PGBD5: variants seen among roughly 807,000 people sequenced by gnomAD.
The protein encoded by PGBD5 is piggyBac transposable element derived 5.
Under a neutral mutation model 47.9 loss-of-function variants are expected in PGBD5, and 14 were observed. That is an observed-to-expected ratio of 0.29 (90% confidence interval 0.19 to 0.46). The LOEUF (loss-of-function observed/expected upper bound fraction) is 0.46. PGBD5 is among the 20% of genes least tolerant of loss of function. The probability of loss-of-function intolerance (pLI) is 1.00; values close to 1 mark genes in which losing one functional copy is unlikely to be tolerated. For synonymous variants in PGBD5, 316 were observed against 306.3 expected (o/e 1.03, Z -0.33); for missense variants, 635 against 716.0 (o/e 0.89, Z 1.29).
At position 230,314,631 on chromosome 1, in the gene PGBD5, G is replaced by C. The variant is rs1434636231; in HGVS notation, c.*8794C>G. On this transcript the variant is annotated 3_prime_UTR_variant, in exon 7 of 7. Transcript: ENST00000391860. ...GCCACATTTCACATTTGAGAACCCA[G>C]AATTCAGCTCCTGTTATACAAAATT... 10 of 109,934 alleles carry C rather than the reference G, an allele frequency of 9.1e-5. No individual in the cohort carries two copies. Among genetic ancestry groups the C allele is most frequent in the Non-Finnish European group, 1.4e-4 (8 of 57,730 alleles). The allele number at this position is 109,934 out of a possible 1,614,324, so 6.8% of individuals were successfully genotyped here. A position where few individuals can be genotyped will look rare whatever the true frequency, so the allele number is the denominator to read the frequency against.
At chr1:230,343,064 G>A (rs772868265) in intron 3 of PGBD5, among the ~76,000 whole-genome samples, 1 of 152,156 alleles carries the variant, frequency 6.6e-6, no homozygotes, top group African/African-American at 2.4e-5. Flanking sequence ...AAGTCTCTAA[G>A]CCATCACCAT....
chr1:230,377,637 C>A (rs1443344095), intron 1 of PGBD5: 1 of 1,493,464 alleles, frequency 6.7e-7, no homozygotes, highest in Admixed American at 2.4e-5. Flanking sequence ...ACCTACCGAA[C>A]AGGTGCCCTG....
At chr1:230,396,294 C>CCCCCACACTCCTCCCTTTTA (rs1558210856) in intron 1 of PGBD5, among the ~76,000 whole-genome samples, 1 of 106,640 alleles carries the variant, frequency 9.4e-6, no homozygotes, top group Non-Finnish European at 2.0e-5. Context: ...TTCCCTTTTA[C>CCCCCACACTCCTCCCTTTTA]CCCCACACTC....
At chr1:230,362,822 G>A (rs2102710649) in intron 1 of PGBD5, among the ~76,000 whole-genome samples, 1 of 152,250 alleles carries the variant, frequency 6.6e-6, no homozygotes, top group African/African-American at 2.4e-5. Flanking sequence ...TCTGTGTTCA[G>A]TGGGAAGCAT....
intron 1 of PGBD5, among the ~76,000 whole-genome samples, chr1:230,391,619 T>G (rs1656785836): frequency 6.6e-6 from 1 of 152,146 alleles, no homozygotes; most frequent in Non-Finnish European, 1.5e-5. Context: ...CCTCCTGCAG[T>G]AAAACAATTT....
rs1184432818 is a variant in PGBD5, at chr1:230,426,019, C to G, written c.-91G>C. ...GCCCGCGCCGCGGCCCGCCGCCCCC[C>G]ACCAGCGCAGCCCGCAGCACAGCGC... On this transcript the variant is annotated 5_prime_UTR_variant, in exon 1 of 7. Transcript: ENST00000391860. 6 of 622,190 alleles carry G rather than the reference C, an allele frequency of 9.6e-6. No individual in the cohort carries two copies. The highest frequency in any genetic ancestry group is 8.0e-6 in the Non-Finnish European group (4 of 501,016). The allele number at this position is 622,190 out of a possible 1,614,324, so 38.5% of individuals were successfully genotyped here. A position where few individuals can be genotyped will look rare whatever the true frequency, so the allele number is the denominator to read the frequency against.
At chr1:230,394,703 C>T (rs577419554) in intron 1 of PGBD5, among the ~76,000 whole-genome samples, 5 of 134,962 alleles carry the variant, frequency 3.7e-5, no homozygotes, top group African/African-American at 8.6e-5. Context: ...CCTCTCCTCA[C>T]GCTCCTCCCT....
Position 230,325,544 on chromosome 1 carries a change from GA to G in PGBD5, c.1274-130del, listed in dbSNP as rs200504937. On this transcript the variant is annotated intron_variant, in intron 5 of 6. Coordinates refer to ENST00000391860, the MANE Select transcript of PGBD5 (RefSeq NM_001258311.2). ...ATGAGCAGAGGAGGAGGAGGGGAGG[GA>G]AGAGTTGAAGAAGAACAATCAGCAC... The G allele has an allele frequency of 5.1e-3, 3,440 of 673,470 alleles. 70 individuals carry two copies. The East Asian group carries it at 0.057, about 11-fold the overall frequency. 41.7% of individuals were successfully genotyped at this position (673,470 alleles called of 1,614,324 possible). A position where few individuals can be genotyped will look rare whatever the true frequency, so the allele number is the denominator to read the frequency against.
At chr1:230,336,301 C>T (rs977993763) in intron 4 of PGBD5, 1 of 152,234 alleles carries the variant, frequency 6.6e-6, no homozygotes, top group African/African-American at 2.4e-5. Context: ...AAAGTGAAGT[C>T]CAGGGCTGCG....
intron 1 of PGBD5, among the ~76,000 whole-genome samples, chr1:230,370,227 G>A (rs985464187): frequency 6.6e-6 from 1 of 152,214 alleles, no homozygotes; most frequent in Admixed American, 6.5e-5. Context: ...TGACACTGCT[G>A]GTCCCATCGT....
At chr1:230,367,017 G>C (rs1030330571) in intron 1 of PGBD5, among the ~76,000 whole-genome samples, 20 of 151,980 alleles carry the variant, frequency 1.3e-4, no homozygotes, top group African/African-American at 4.8e-4. Context: ...GGAAGGTGGG[G>C]GTGAGGAGAG....
At chr1:230,411,675 T>C (rs989791633) in intron 1 of PGBD5, among the ~76,000 whole-genome samples, 1 of 152,264 alleles carries the variant, frequency 6.6e-6, no homozygotes, top group African/African-American at 2.4e-5. Context: ...ATCTGGCTTA[T>C]GATTGATTTG....
Position 230,367,950 on chromosome 1 carries a change from C to G in PGBD5, c.332-10629G>C, listed in dbSNP as rs767402353. 40 of 1,365,642 alleles carry G rather than the reference C, an allele frequency of 2.9e-5. No individual in the cohort carries two copies. In the South Asian group the frequency reaches 3.0e-4, roughly 10 times the overall value. 84.6% of individuals were successfully genotyped at this position (1,365,642 alleles called of 1,614,324 possible). ...TTGCTCAAGGTCACGCAAGCTGGCA[C>G]ACCAAGGAGCTCAAGGTCCTGCAAG... On this transcript the variant is annotated intron_variant, in intron 1 of 6. Coordinates refer to ENST00000391860, the MANE Select transcript of PGBD5 (RefSeq NM_001258311.2).
rs560908233 is a variant in PGBD5 at position 230,354,511 on chromosome 1, G to A, written c.759+2383C>T. Among the ~76,000 whole-genome samples the A allele has an allele frequency of 3.9e-5, 6 of 152,274 alleles. No homozygotes were observed. In the South Asian group the frequency reaches 1.2e-3, roughly 32 times the overall value. On this transcript the variant is annotated intron_variant, in intron 2 of 6. Coordinates refer to ENST00000391860, the MANE Select transcript of PGBD5 (RefSeq NM_001258311.2). ...ATGATCAGCCCCTTAAACTTATTTC[G>A]AACTTATTTCATGTATTCAATTTTT...
chr1:230,323,807 A>G lies in PGBD5; in HGVS notation c.1380-187T>C, dbSNP rs1375626099. Among the ~76,000 whole-genome samples, 2 of 152,214 alleles carry G rather than the reference A, an allele frequency of 1.3e-5. No individual in the cohort carries two copies. The highest frequency in any genetic ancestry group is 2.4e-5 in the African/African-American group (1 of 41,458). ...GAGTTCCAGCTGGGGGTTTTGTCAC[A>G]GTGAACTTCATTTAAGACCAAGGAA... On this transcript the variant is annotated intron_variant, in intron 6 of 6. Coordinates refer to ENST00000391860, the MANE Select transcript of PGBD5 (RefSeq NM_001258311.2). This position sits in a 1 kb window ranked among gnomAD's most constrained non-coding sequence, Gnocchi z 4.1.
intron 3 of PGBD5, among the ~76,000 whole-genome samples, chr1:230,349,638 G>A (rs1009812849): frequency 6.6e-6 from 1 of 152,080 alleles, no homozygotes; most frequent in Middle Eastern, 3.4e-3. Flanking sequence ...GGTAGCAGGT[G>A]CTCAATAAAT....
chr1:230,328,941 T>C (rs140009964), intron 5 of PGBD5, among the ~76,000 whole-genome samples: 62 of 152,238 alleles, frequency 4.1e-4, no homozygotes, highest in African/African-American at 1.4e-3. Context: ...TTTAACATTT[T>C]TTTTTTTTCT....
intron 1 of PGBD5, chr1:230,368,116 C>T (rs555853714): frequency 1.7e-5 from 23 of 1,367,900 alleles, no homozygotes; most frequent in South Asian, 7.9e-5. Context: ...CAAGTTCTGA[C>T]CACACAGATG....
intron 1 of PGBD5, among the ~76,000 whole-genome samples, chr1:230,406,164 C>T (rs372185646): frequency 5.2e-4 from 79 of 151,668 alleles, no homozygotes; most frequent in African/African-American, 1.7e-3. Context: ...AAAAATTAGC[C>T]GGGCATGGTG....
Sources: gnomAD v4.1 joint callset for allele counts (sites outside exome capture counted in the v4.1 genomes callset) on GRCh38, gnomAD v4.1.1 for gene constraint, Gnocchi (gnomAD v3.1) non-coding constraint, MANE v1.5 for transcripts, NCBI Gene and HGNC (gene_info 2026-07-23, HGNC 2026-07-21) for gene names.